LRP1B: variants seen among roughly 807,000 people sequenced by gnomAD.
LRP1B encodes low-density lipoprotein receptor-related protein 1B.
A neutral mutation model predicts 556.6 loss-of-function variants in LRP1B; 217 were observed. That is an observed-to-expected ratio of 0.39 (90% CI 0.35 to 0.44). LRP1B has a LOEUF of 0.44. Among genes scored for constraint, LRP1B ranks in the 20% least tolerant of loss-of-function variants. The probability of loss-of-function intolerance (pLI) is 1.00; values close to 1 mark genes in which losing one functional copy is unlikely to be tolerated. For synonymous variants in LRP1B, 2,047 were observed against 1,865.8 expected (o/e 1.10, Z -2.50); for missense variants, 5,053 against 5,620.8 (o/e 0.90, Z 3.23).
At chr2:140,603,253 AAC>A (rs1252330894) in intron 41 of LRP1B, among the ~76,000 whole-genome samples, 1 of 152,102 alleles carries the variant, frequency 6.6e-6, no homozygotes. Context: ...AAAATTATAA[AAC>A]ACAGTCACTG....
chr2:141,394,438 G>T (rs1385757327), intron 3 of LRP1B, among the ~76,000 whole-genome samples: 3 of 151,854 alleles, frequency 2.0e-5, no homozygotes, highest in Non-Finnish European at 2.9e-5. Flanking sequence ...AGAAATTCTG[G>T]CAGTCTTTTT....
At chr2:141,570,817 C>A (rs991029519) in intron 2 of LRP1B, among the ~76,000 whole-genome samples, 4 of 151,272 alleles carry the variant, frequency 2.6e-5, no homozygotes, top group South Asian at 2.1e-4. Flanking sequence ...CAGGCCTGAC[C>A]CGGACCCATC....
At chr2:140,352,755 T>C (rs1048285687) in intron 76 of LRP1B, among the ~76,000 whole-genome samples, 198 bp downstream of exon 76, 2 of 152,096 alleles carry the variant, frequency 1.3e-5, no homozygotes, top group Non-Finnish European at 2.9e-5. Context: ...ACAGTAACCA[T>C]ATATTTCATA....
rs767934473 is a variant in LRP1B at position 141,055,215 on chromosome 2, C to A, written c.1453G>T (p.Gly485Cys). The part of the protein sequence containing the change: ...CEVDPYGMPG[G>C]CSHICLLSSS... ...CTGAGTAGACAGATGTGTGAACAGC[C>A]CCCTGGCATTCCATATGGATCGACT... is the stretch of plus-strand genomic sequence containing the variant. Residue 485 changes from glycine to cysteine, a missense_variant, in exon 10 of 91, where the codon GGC becomes TGC. Physicochemically the swap from Gly to Cys is radical, Grantham distance 159. Around this residue, in one of 5 missense-constraint regions of LRP1B, gnomAD observed 3,619 missense variants for 3,931.9 expected, o/e 0.92. Coordinates refer to ENST00000389484, the MANE Select transcript of LRP1B (RefSeq NM_018557.3). The A allele has an allele frequency of 6.2e-7, 1 of 1,611,686 alleles. No individual in the cohort carries two copies. Among genetic ancestry groups the A allele is most frequent in the Non-Finnish European group, 8.5e-7 (1 of 1,178,722 alleles).
chr2:141,830,233 A>T (rs1697068475), intron 1 of LRP1B, among the ~76,000 whole-genome samples: 1 of 151,884 alleles, frequency 6.6e-6, no homozygotes, highest in Admixed American at 6.6e-5. Context: ...ATAAAAATAC[A>T]GCATTTGGTA....
rs1292670443 is a variant in LRP1B, at chr2:141,336,585, G to A, written c.344-81944C>T. Among the ~76,000 whole-genome samples the A allele has an allele frequency of 5.3e-5, 8 of 152,136 alleles. No individual in the cohort carries two copies. In the South Asian group the frequency reaches 1.7e-3, roughly 32 times the overall value. On this transcript the variant is annotated intron_variant, in intron 3 of 90. Coordinates refer to ENST00000389484, the MANE Select transcript of LRP1B (RefSeq NM_018557.3). ...TTTTGTTTTTTAAATTATATTGAAAGTTATGTTTTGCTATGTAGTTCTATT... is the reference window on the plus strand; with the variant it reads ...TTTTGTTTTTTAAATTATATTGAAAATTATGTTTTGCTATGTAGTTCTATT...
chr2:140,858,248 C>T (rs912954958), intron 27 of LRP1B, among the ~76,000 whole-genome samples: 3 of 151,968 alleles, frequency 2.0e-5, no homozygotes, highest in Non-Finnish European at 4.4e-5. Flanking sequence ...TGTGCAGACA[C>T]TGAGAAGCCC....
At chr2:140,917,960 G>A (rs906670513) in intron 21 of LRP1B, among the ~76,000 whole-genome samples, 1 of 151,968 alleles carries the variant, frequency 6.6e-6, no homozygotes, top group African/African-American at 2.4e-5. Flanking sequence ...GAGTATACAG[G>A]AAGTCTCTGT....
chr2:141,261,391 ATTCT>A (rs1394731114), intron 3 of LRP1B, among the ~76,000 whole-genome samples: 1 of 152,174 alleles, frequency 6.6e-6, no homozygotes, highest in African/African-American at 2.4e-5. Context: ...AGCAAAATTC[ATTCT>A]TTCTCACGTA....
chr2:141,823,503 C>T (rs561938837), intron 1 of LRP1B, among the ~76,000 whole-genome samples: 37 of 151,990 alleles, frequency 2.4e-4, no homozygotes, highest in African/African-American at 5.3e-4. Context: ...GAAGCATCCC[C>T]GAAAAGGTCT....
chr2:140,721,429 A>G (rs766513885), intron 35 of LRP1B, among the ~76,000 whole-genome samples: 1 of 150,982 alleles, frequency 6.6e-6, no homozygotes, highest in Non-Finnish European at 1.5e-5. Context: ...AAAAAATTAT[A>G]TGTTATACAA....
intron 1 of LRP1B, among the ~76,000 whole-genome samples, chr2:141,895,340 T>C (rs1489630003): frequency 6.6e-6 from 1 of 152,152 alleles, no homozygotes; most frequent in Non-Finnish European, 1.5e-5. Context: ...AGTGAGACCA[T>C]AGCCATAGAC....
chr2:140,464,791 T>A (rs985783027), intron 60 of LRP1B, among the ~76,000 whole-genome samples: 6 of 152,190 alleles, frequency 3.9e-5, no homozygotes, highest in African/African-American at 1.4e-4. Context: ...AATTTCTTTG[T>A]TAGAGAGTCT....
intron 2 of LRP1B, among the ~76,000 whole-genome samples, chr2:141,791,200 A>G (rs1474487940): frequency 6.6e-6 from 1 of 152,094 alleles, no homozygotes; most frequent in Non-Finnish European, 1.5e-5. Context: ...CATGAAAAAT[A>G]GTAAAAAGAG....
chr2:140,672,259 G>A (rs544599477), intron 41 of LRP1B, among the ~76,000 whole-genome samples: 15 of 152,004 alleles, frequency 9.9e-5, no homozygotes, highest in South Asian at 8.3e-4. Context: ...AGGCCAAGGC[G>A]GCGGGTCACA....
chr2:140,357,870 T>A, intron 74 of LRP1B, 109 bp downstream of exon 74: 1 of 1,284,986 alleles, frequency 7.8e-7, no homozygotes, highest in Non-Finnish European at 1.1e-6. Flanking sequence ...AGGGCATCAG[T>A]CAAGCATACT....
intron 80 of LRP1B, among the ~76,000 whole-genome samples, chr2:140,325,083 G>C (rs987676453): frequency 3.9e-5 from 6 of 152,000 alleles, no homozygotes; most frequent in African/African-American, 1.2e-4. Context: ...AAAAAATTGT[G>C]GGAAGGAGTT....
At chr2:140,698,706 C>T (rs1006967174) in intron 41 of LRP1B, among the ~76,000 whole-genome samples, 5 of 151,976 alleles carry the variant, frequency 3.3e-5, no homozygotes, top group Non-Finnish European at 7.4e-5. Flanking sequence ...TACACCAACA[C>T]GTGACAAGTG....
intron 1 of LRP1B, among the ~76,000 whole-genome samples, chr2:142,022,217 C>T (rs965296920): frequency 5.3e-5 from 8 of 151,414 alleles, no homozygotes; most frequent in Non-Finnish European, 4.4e-5. Context: ...GTTCTTCAGA[C>T]ATGAGCAAGA....
Sources: gnomAD v4.1 joint callset for allele counts (sites outside exome capture counted in the v4.1 genomes callset) on GRCh38, gnomAD v4.1.1 for gene constraint, gnomAD v4.1.1 regional missense constraint, MANE v1.5 for transcripts, NCBI Gene and HGNC (gene_info 2026-07-23, HGNC 2026-07-21) for gene names.